ZBTB8B: variants seen among roughly 807,000 people sequenced by gnomAD.
ZBTB8B encodes the protein zinc finger and BTB domain containing 8B.
Under a neutral mutation model 30.3 loss-of-function variants are expected in ZBTB8B, and 17 were observed. The observed-to-expected ratio is 0.56, with a 90% CI of 0.38 to 0.84. The LOEUF (loss-of-function observed/expected upper bound fraction) is 0.84. Among genes scored for constraint, ZBTB8B ranks in the 40% least tolerant of loss-of-function variants. The pLI is 0.00. For synonymous variants in ZBTB8B, 248 were observed against 255.6 expected, an observed-to-expected ratio of 0.97 and a Z score of 0.28; for missense variants, 515 against 644.9, an observed-to-expected ratio of 0.80 and a Z score of 2.18.
rs553068006 is a variant in ZBTB8B at position 32,485,116 on chromosome 1, C to T, written c.1186C>T (p.Arg396Cys). ...GTGATTACAGGTCCACAGATCCAAC[C>T]GTCCAATCATCTGCAAGGGCTGCAG... ...SHALSVHRSN[R>C]PIICKGCRRT... The change falls in exon 4 of 4, where the codon CGT becomes TGT. Residue 396 changes from arginine to cysteine, a missense_variant. Transcript: ENST00000609129. 25 of 1,551,880 alleles carry T rather than the reference C, an allele frequency of 1.6e-5. No individual in the cohort carries two copies. The highest frequency in any genetic ancestry group is 1.4e-4 in the Admixed American group (7 of 50,994).
intron 2 of ZBTB8B, among the ~76,000 whole-genome samples, chr1:32,475,834 T>C (rs1467373533): frequency 2.0e-5 from 3 of 150,730 alleles, no homozygotes; most frequent in African/African-American, 7.3e-5. Context: ...TTTTTTTTTT[T>C]TTAGACAGAG....
In ZBTB8B at chr1:32,494,353, G is replaced by A. The variant is rs2148190460; in HGVS notation, c.*8935G>A. The A allele has an allele frequency of 6.6e-6, 1 of 152,194 alleles. No individual in the cohort carries two copies. The highest frequency in any genetic ancestry group is 2.1e-4 in the South Asian group (1 of 4,808). The allele number at this position is 152,194 out of a possible 1,614,324, so 9.4% of individuals were successfully genotyped here. A position where few individuals can be genotyped will look rare whatever the true frequency, so the allele number is the denominator to read the frequency against. On this transcript the variant is annotated 3_prime_UTR_variant, in exon 4 of 4. Transcript: ENST00000609129. ...ACAGCTGGTTAGGATCAGAAACCAG[G>A]TCCTGCCAGGCCAGTCCTGATAATA...
At chr1:32,475,316 T>G (rs1450506003) in intron 2 of ZBTB8B, among the ~76,000 whole-genome samples, 1 of 152,220 alleles carries the variant, frequency 6.6e-6, no homozygotes. Context: ...GCTCAGTCGC[T>G]CATGCCTATA....
intron 2 of ZBTB8B, 142 bp downstream of exon 2, chr1:32,471,757 C>A: frequency 2.2e-6 from 2 of 896,746 alleles, no homozygotes; most frequent in Non-Finnish European, 3.3e-6. Context: ...CCAGTACCAT[C>A]ATCATTACCA....
chr1:32,494,377 TAGAC>T lies in ZBTB8B; in HGVS notation c.*8965_*8968del, dbSNP rs759800358. 7 of 152,094 alleles carry T rather than the reference TAGAC, an allele frequency of 4.6e-5. No individual in the cohort carries two copies. The highest frequency in any genetic ancestry group is 7.2e-5 in the African/African-American group (3 of 41,388). 9.4% of individuals were successfully genotyped at this position (152,094 alleles called of 1,614,324 possible). ...GGTCCTGCCAGGCCAGTCCTGATAATAGACAGACATGTTTGGGCAGGCAGAAAAG... is the reference window on the plus strand; with the variant it reads ...GGTCCTGCCAGGCCAGTCCTGATAATAGACATGTTTGGGCAGGCAGAAAAG... On this transcript the variant is annotated 3_prime_UTR_variant, in exon 4 of 4. Coordinates refer to ENST00000609129, the MANE Select transcript of ZBTB8B (RefSeq NM_001145720.2).
Position 32,494,183 on chromosome 1 carries a change from CAAAAAAAAAAA to C in ZBTB8B, c.*8779_*8789del, listed in dbSNP as rs917865954. ...GGGCAACGAGAGCAAAACTCCATCT[CAAAAAAAAAAA>C]AAAAAAAAAAAAAGAAATCAGGATA... On this transcript the variant is annotated 3_prime_UTR_variant, in exon 4 of 4. Transcript: ENST00000609129. The C allele has an allele frequency of 8.3e-5, 4 of 48,008 alleles. No individual in the cohort carries two copies. Among genetic ancestry groups the C allele is most frequent in the East Asian group, 8.7e-4 (1 of 1,156 alleles). 3.0% of individuals were successfully genotyped at this position (48,008 alleles called of 1,614,324 possible).
Position 32,470,824 on chromosome 1 carries a change from C to T in ZBTB8B, c.200C>T (p.Ser67Phe), listed in dbSNP as rs1422156714. The T allele has an allele frequency of 2.6e-6, 4 of 1,551,752 alleles. No individual in the cohort carries two copies. Among genetic ancestry groups the T allele is most frequent in the Admixed American group, 3.9e-5 (2 of 50,976 alleles). ...GACAGCGGGCGGCATAGCACCGCCT[C>T]CTTGGACATTGTCACCTCTGATGCC... Reference protein sequence around the residue: ...IQDSGRHSTASLDIVTSDAFS... With the variant: ...IQDSGRHSTAFLDIVTSDAFS... Residue 67 changes from serine to phenylalanine, a missense_variant, in exon 2 of 4, where the codon TCC becomes TTC. Ser to Phe is a radical substitution (Grantham distance 155). Around this residue, in one of 3 missense-constraint regions of ZBTB8B, gnomAD observed 61 missense variants for 117.7 expected, o/e 0.52. Transcript: ENST00000609129.
chr1:32,490,404 C>G lies in ZBTB8B; in HGVS notation c.*4986C>G, dbSNP rs1643771541. ...TGATGGGCACTGTTTTCATTGATTT[C>G]TGTTGCTTTTGTAGTTCTCTCCACT... On this transcript the variant is annotated 3_prime_UTR_variant, in exon 4 of 4. Transcript: ENST00000609129. 2 of 152,130 alleles carry G rather than the reference C, an allele frequency of 1.3e-5. No homozygotes were observed. Among genetic ancestry groups the G allele is most frequent in the African/African-American group, 4.8e-5 (2 of 41,438 alleles). 9.4% of individuals were successfully genotyped at this position (152,130 alleles called of 1,614,324 possible).
rs1255617153 is a variant in ZBTB8B at position 32,495,894 on chromosome 1, T to G, written c.*10476T>G. 6.6e-6 allele frequency: 1 copy of G among 151,908 alleles called. No individual in the cohort carries two copies. The highest frequency in any genetic ancestry group is 2.4e-5 in the African/African-American group (1 of 41,344). The allele number at this position is 151,908 out of a possible 1,614,324, so 9.4% of individuals were successfully genotyped here. On this transcript the variant is annotated 3_prime_UTR_variant, in exon 4 of 4. Transcript: ENST00000609129. ...GAGACCCTGTCTCAAAAAAAAAGGT[T>G]TTTTTTTAATTGAATGAATGCAATA...
intron 2 of ZBTB8B, 86 bp from the exon 3 acceptor site, chr1:32,480,805 C>G (rs1224391807): frequency 7.5e-7 from 1 of 1,334,742 alleles, no homozygotes; most frequent in African/African-American, 1.5e-5. Flanking sequence ...GGTGGAATTC[C>G]CCAGCTCTGG....
At chr1:32,478,248 A>G (rs1206443351) in intron 2 of ZBTB8B, among the ~76,000 whole-genome samples, 1 of 151,394 alleles carries the variant, frequency 6.6e-6, no homozygotes, top group African/African-American at 2.4e-5. Flanking sequence ...ATGGTGGCTC[A>G]CGCCTATAAT....
At chr1:32,482,481 G>A (rs548080642) in intron 3 of ZBTB8B, among the ~76,000 whole-genome samples, 1 of 151,902 alleles carries the variant, frequency 6.6e-6, no homozygotes, top group South Asian at 2.1e-4. Flanking sequence ...GACCATCCTG[G>A]CCAACATGGT....
chr1:32,467,541 AC>A (rs1171896181), intron 1 of ZBTB8B, among the ~76,000 whole-genome samples: 1 of 152,134 alleles, frequency 6.6e-6, no homozygotes, highest in Non-Finnish European at 1.5e-5. Flanking sequence ...AGTGTGAGCC[AC>A]CACACCCGGC....
intron 2 of ZBTB8B, among the ~76,000 whole-genome samples, chr1:32,472,003 CCAT>C (rs1201004194): frequency 1.3e-5 from 2 of 150,610 alleles, no homozygotes; most frequent in Admixed American, 6.6e-5. Context: ...ATCATCAGTA[CCAT>C]CATCATCACT....
At position 32,471,554 on chromosome 1, in the gene ZBTB8B, T is replaced by G. The variant is rs1165194891; in HGVS notation, c.930T>G (p.Gly310=). ...GGAGTTTGGAAGGAAGACCAGAAGG[T>G]GCAGGAGTAGCCATGAGTTCCATGA... ...FSRSLEGRPE[G]AGVAMSSMMD... The change falls in exon 2 of 4, where the codon GGT becomes GGG. Residue 310 remains glycine, a synonymous_variant. Coordinates refer to ENST00000609129, the MANE Select transcript of ZBTB8B (RefSeq NM_001145720.2). The G allele has an allele frequency of 2.6e-6, 4 of 1,551,744 alleles. No homozygotes were observed. Among genetic ancestry groups the G allele is most frequent in the Non-Finnish European group, 3.5e-6 (4 of 1,147,006 alleles).
intron 3 of ZBTB8B, 52 bp downstream of exon 3, chr1:32,481,121 A>C: frequency 1.3e-4 from 187 of 1,453,912 alleles, no homozygotes; most frequent in Non-Finnish European, 1.6e-4. Context: ...TCATGATATC[A>C]TCTAATGGAA....
rs1643809560 is a variant in ZBTB8B at position 32,495,271 on chromosome 1, G to A, written c.*9853G>A. ...CTCAGTGGATTTTAATCAGTCTACT[G>A]CAAAAGCTAGTTTTATTTAAAGGGC... On this transcript the variant is annotated 3_prime_UTR_variant, in exon 4 of 4. Coordinates refer to ENST00000609129, the MANE Select transcript of ZBTB8B (RefSeq NM_001145720.2). The A allele has an allele frequency of 1.3e-5, 2 of 152,202 alleles. No individual in the cohort carries two copies. Among genetic ancestry groups the A allele is most frequent in the Non-Finnish European group, 1.5e-5 (1 of 68,010 alleles). 9.4% of individuals were successfully genotyped at this position (152,202 alleles called of 1,614,324 possible).
In ZBTB8B at chr1:32,492,894, T is replaced by C. The variant is rs1643789280; in HGVS notation, c.*7476T>C. 6.6e-6 allele frequency: 1 copy of C among 152,190 alleles called. No individual in the cohort carries two copies. Among genetic ancestry groups the C allele is most frequent in the South Asian group, 2.1e-4 (1 of 4,812 alleles). 9.4% of individuals were successfully genotyped at this position (152,190 alleles called of 1,614,324 possible). A position where few individuals can be genotyped will look rare whatever the true frequency, so the allele number is the denominator to read the frequency against. ...GTACTCTGAGAACGCGTGGGTCGGG[T>C]ACCTAGCCAGTCATAGAGCCTCAGA... is the stretch of plus-strand genomic sequence containing the variant. On this transcript the variant is annotated 3_prime_UTR_variant, in exon 4 of 4. Transcript: ENST00000609129.
At position 32,478,772 on chromosome 1, in the gene ZBTB8B, A is replaced by G. The variant is rs1363674358; in HGVS notation, c.992-2119A>G. Among the ~76,000 whole-genome samples, 6 of 152,150 alleles carry G rather than the reference A, an allele frequency of 3.9e-5. No homozygotes were observed. The South Asian group carries it at 8.3e-4, about 21-fold the overall frequency. On this transcript the variant is annotated intron_variant, in intron 2 of 3. Transcript: ENST00000609129. ...TTTCACATTCAGTTTAGTGTGCCATACTTTTCATAGCACCTCAGGAAAGAC... is the reference window on the plus strand; with the variant it reads ...TTTCACATTCAGTTTAGTGTGCCATGCTTTTCATAGCACCTCAGGAAAGAC...
Sources: allele counts gnomAD v4.1 joint callset (sites outside exome capture counted in the v4.1 genomes callset), GRCh38; gene constraint gnomAD v4.1.1; regional missense constraint gnomAD v4.1.1; transcripts MANE v1.5; gene names NCBI Gene and HGNC (gene_info 2026-07-23, HGNC 2026-07-21).